Variants in C12orf42 observed in about 807,000 individuals in gnomAD.
C12orf42 encodes the protein chromosome 12 open reading frame 42, also known as uncharacterized protein C12orf42.
C12orf42 carries 25 observed loss-of-function variants against 21.6 expected under a neutral mutation model. The observed-to-expected ratio is 1.16, with a 90% CI of 0.84 to 1.62. The LOEUF (loss-of-function observed/expected upper bound fraction) is 1.62, where lower values mean the gene tolerates loss of function less well. C12orf42 is among the 40% of genes most tolerant of loss of function. The pLI is 0.00. For synonymous variants in C12orf42, 174 were observed against 175.0 expected, an observed-to-expected ratio of 0.99 and a Z score of 0.05; for missense variants, 483 against 459.3, an observed-to-expected ratio of 1.05 and a Z score of -0.47.
At chr12:103,331,452 T>C (rs1414414028) in intron 4 of C12orf42, among the ~76,000 whole-genome samples, 1 of 152,218 alleles carries the variant, frequency 6.6e-6, no homozygotes, top group Non-Finnish European at 1.5e-5. Flanking sequence ...CATTCCTTCA[T>C]CAAATGTTTG....
At chr12:103,177,400 G>A in the C12orf42 span, among the ~76,000 whole-genome samples, 1 of 152,198 alleles carries the variant, frequency 6.6e-6, no homozygotes, top group Non-Finnish European at 1.5e-5. Context: ...AGCTACCAAA[G>A]AGAGAACTAT....
chr12:103,088,487 T>G, the C12orf42 span, among the ~76,000 whole-genome samples: 81 of 152,342 alleles, frequency 5.3e-4, no homozygotes, highest in African/African-American at 1.8e-3. Flanking sequence ...TTTTACTATG[T>G]TAATTGAGTT....
At chr12:103,196,465 C>G in the C12orf42 span, among the ~76,000 whole-genome samples, 2 of 152,090 alleles carry the variant, frequency 1.3e-5, no homozygotes, top group African/African-American at 2.4e-5. Flanking sequence ...TGGTCAAGTA[C>G]TGAGTTTATG....
the C12orf42 span, among the ~76,000 whole-genome samples, chr12:103,072,244 T>A: frequency 6.6e-6 from 1 of 152,088 alleles, no homozygotes. Context: ...AACTATTTTT[T>A]AAAAAATAGT....
At chr12:103,201,538 C>T in the C12orf42 span, among the ~76,000 whole-genome samples, 1 of 152,116 alleles carries the variant, frequency 6.6e-6, no homozygotes, top group South Asian at 2.1e-4. Context: ...TCATGAGGCA[C>T]CCACTTATTG....
chr12:103,309,295 A>T (rs2038709947), intron 4 of C12orf42, among the ~76,000 whole-genome samples: 1 of 152,188 alleles, frequency 6.6e-6, no homozygotes, highest in Non-Finnish European at 1.5e-5. Flanking sequence ...CAGCCTACTC[A>T]AAGTGCAGAC....
chr12:103,119,070 A>C, the C12orf42 span, among the ~76,000 whole-genome samples: 3 of 152,134 alleles, frequency 2.0e-5, no homozygotes, highest in East Asian at 3.9e-4. Flanking sequence ...GGACACGGAT[A>C]TCACTTGCCA....
chr12:103,118,911 G>C, the C12orf42 span, among the ~76,000 whole-genome samples: 2 of 149,818 alleles, frequency 1.3e-5, no homozygotes, highest in East Asian at 2.0e-4. Context: ...CATTCTTAAA[G>C]ATTTAGCCCT....
intron 4 of C12orf42, among the ~76,000 whole-genome samples, chr12:103,320,101 A>G (rs932448310): frequency 2.0e-5 from 3 of 152,224 alleles, no homozygotes; most frequent in African/African-American, 7.2e-5. Context: ...TGCTGTCCAC[A>G]TAAATGTATT....
the C12orf42 span, among the ~76,000 whole-genome samples, chr12:103,069,282 T>C: frequency 1.3e-5 from 2 of 151,884 alleles, no homozygotes; most frequent in Non-Finnish European, 2.9e-5. Flanking sequence ...TCCTTGGATA[T>C]TTTAATCACA....
chr12:103,177,048 T>G, the C12orf42 span, among the ~76,000 whole-genome samples: 71 of 152,312 alleles, frequency 4.7e-4, no homozygotes, highest in Non-Finnish European at 9.3e-4. Flanking sequence ...TATGAGACTG[T>G]ATCCTGAATT....
chr12:103,527,760 C>A, the C12orf42 span, among the ~76,000 whole-genome samples: 3 of 152,212 alleles, frequency 2.0e-5, no homozygotes, highest in Non-Finnish European at 4.4e-5. Context: ...CACCCCTCCT[C>A]AAGAGAGACC....
the C12orf42 span, among the ~76,000 whole-genome samples, chr12:103,510,294 G>A: frequency 6.6e-6 from 1 of 152,158 alleles, no homozygotes; most frequent in African/African-American, 2.4e-5. Flanking sequence ...CTCATAGTTG[G>A]GAGCTAAGCT....
At chr12:103,148,955 T>C in the C12orf42 span, among the ~76,000 whole-genome samples, 2 of 152,188 alleles carry the variant, frequency 1.3e-5, no homozygotes, top group African/African-American at 4.8e-5. Context: ...GATACAAATT[T>C]ATATTAAGAC....
chr12:103,406,067 ACC>A (rs36087586), intron 2 of C12orf42, among the ~76,000 whole-genome samples: 1 of 152,148 alleles, frequency 6.6e-6, no homozygotes, highest in African/African-American at 2.4e-5. Flanking sequence ...CTTGCAACAG[ACC>A]CAATGCCTTT....
chr12:103,537,460 C>T, the C12orf42 span, among the ~76,000 whole-genome samples: 1 of 152,302 alleles, frequency 6.6e-6, no homozygotes, highest in African/African-American at 2.4e-5. Context: ...ATTTCTAGAG[C>T]TGGCTGACAC....
At chr12:103,086,779 C>T in the C12orf42 span, among the ~76,000 whole-genome samples, 2 of 151,958 alleles carry the variant, frequency 1.3e-5, no homozygotes, top group African/African-American at 4.8e-5. Flanking sequence ...ATCTAGGAAG[C>T]CTTCTCAGTC....
At chr12:103,084,839 T>C in the C12orf42 span, among the ~76,000 whole-genome samples, 2 of 152,206 alleles carry the variant, frequency 1.3e-5, no homozygotes, top group South Asian at 2.1e-4. Context: ...TTTATATATA[T>C]ATTCTATTGG....
the C12orf42 span, among the ~76,000 whole-genome samples, chr12:103,092,564 GAC>G: frequency 6.6e-6 from 1 of 152,082 alleles, no homozygotes; most frequent in South Asian, 2.1e-4. Flanking sequence ...ATTCATCTGA[GAC>G]ATTCTAAGAA....
Sources: allele counts gnomAD v4.1 joint callset (sites outside exome capture counted in the v4.1 genomes callset), GRCh38; gene constraint gnomAD v4.1.1; transcripts MANE v1.5; gene names NCBI Gene and HGNC (gene_info 2026-07-23, HGNC 2026-07-21).